The following FSTL4 variants were observed in gnomAD, a reference collection of about 807,000 sequenced individuals.
FSTL4 encodes follistatin-related protein 4.
A neutral mutation model predicts 78.2 loss-of-function variants in FSTL4; 28 were observed. The ratio of observed to expected loss-of-function variants is 0.36; its 90% CI spans 0.27 to 0.49. FSTL4 has a LOEUF of 0.49. Ranked by LOEUF, FSTL4 falls within the 20% of genes least tolerant of loss-of-function variation. The pLI is 0.98. For missense variants in FSTL4, 922 were observed against 1,084.9 expected (o/e 0.85, Z 2.11); for synonymous variants, 422 against 440.5 (o/e 0.96, Z 0.53).
chr5:133,500,228 T>A (rs1452109396), intron 3 of FSTL4, among the ~76,000 whole-genome samples: 1 of 152,154 alleles, frequency 6.6e-6, no homozygotes, highest in East Asian at 1.9e-4. Context: ...TCCTTGAGTG[T>A]CCCTGGAAGA....
At chr5:133,308,174 C>T (rs566093926) in intron 6 of FSTL4, among the ~76,000 whole-genome samples, 1 of 152,198 alleles carries the variant, frequency 6.6e-6, no homozygotes, top group African/African-American at 2.4e-5. Flanking sequence ...TGAATCAGTT[C>T]TTCGGCCACT....
At chr5:133,704,054 T>C in the FSTL4 span, among the ~76,000 whole-genome samples, 654 of 151,446 alleles carry the variant, frequency 4.3e-3, 14 homozygotes, top group African/African-American at 0.015. Context: ...GTCCTAGGGG[T>C]GGGAGGGTGG....
At chr5:133,672,910 G>A in the FSTL4 span, among the ~76,000 whole-genome samples, 2 of 152,176 alleles carry the variant, frequency 1.3e-5, no homozygotes, top group Non-Finnish European at 2.9e-5. Context: ...TGCCCAAGAC[G>A]GTCAGGGCAC....
At chr5:133,468,510 G>A (rs993396462) in intron 3 of FSTL4, among the ~76,000 whole-genome samples, 6 of 152,238 alleles carry the variant, frequency 3.9e-5, no homozygotes, top group African/African-American at 4.8e-5. Context: ...AGGCCGACTC[G>A]AAGTTTCTCT....
chr5:133,503,967 T>C (rs1480346133), intron 3 of FSTL4, among the ~76,000 whole-genome samples: 3 of 152,136 alleles, frequency 2.0e-5, no homozygotes, highest in African/African-American at 4.8e-5. Flanking sequence ...TTCTTCACAA[T>C]GGTGGGAGGA....
At chr5:133,366,961 G>T (rs1159499257) in intron 4 of FSTL4, among the ~76,000 whole-genome samples, 1 of 152,124 alleles carries the variant, frequency 6.6e-6, no homozygotes, top group Non-Finnish European at 1.5e-5. Flanking sequence ...TATTTTAAAT[G>T]AATATTTAAA....
chr5:133,621,587 T>C, the FSTL4 span, among the ~76,000 whole-genome samples: 2 of 151,962 alleles, frequency 1.3e-5, no homozygotes, highest in East Asian at 1.9e-4. Flanking sequence ...ACAATGGACT[T>C]TGGGGACTTG....
At chr5:133,233,270 G>T in intron 8 of FSTL4, 147 bp downstream of exon 8, 1 of 914,926 alleles carries the variant, frequency 1.1e-6, no homozygotes, top group Non-Finnish European at 1.7e-6. Flanking sequence ...CTTTCCACAC[G>T]GTTCCCCTTT....
the FSTL4 span, among the ~76,000 whole-genome samples, chr5:133,632,385 C>T: frequency 6.6e-6 from 1 of 152,144 alleles, no homozygotes; most frequent in African/African-American, 2.4e-5. Context: ...AAATCTGTTG[C>T]ATTTACCCAT....
the FSTL4 span, among the ~76,000 whole-genome samples, chr5:133,827,111 C>T: frequency 6.6e-6 from 1 of 152,238 alleles, no homozygotes; most frequent in Non-Finnish European, 1.5e-5. Context: ...AGGGAAGCAG[C>T]ACTCTGTCAC....
At chr5:133,775,427 C>T in the FSTL4 span, among the ~76,000 whole-genome samples, 1 of 152,164 alleles carries the variant, frequency 6.6e-6, no homozygotes, top group Non-Finnish European at 1.5e-5. Context: ...GCTGTAAACA[C>T]ACTAGAATTC....
chr5:133,832,654 A>G, the FSTL4 span, among the ~76,000 whole-genome samples: 1 of 152,196 alleles, frequency 6.6e-6, no homozygotes, highest in Non-Finnish European at 1.5e-5. Context: ...ACATTTCTCC[A>G]TCTCTTTTGC....
At chr5:133,378,152 C>G (rs888522727) in intron 4 of FSTL4, among the ~76,000 whole-genome samples, 4 of 152,076 alleles carry the variant, frequency 2.6e-5, no homozygotes, top group Admixed American at 6.5e-5. Flanking sequence ...GCTTTTTAGG[C>G]TGAAAGCAAG....
At chr5:133,425,553 G>A (rs192775955) in intron 3 of FSTL4, among the ~76,000 whole-genome samples, 129 of 152,300 alleles carry the variant, frequency 8.5e-4, no homozygotes, top group African/African-American at 3.0e-3. Context: ...CTCTTGTGAG[G>A]AAAGAATTAA....
chr5:133,328,447 A>T (rs1754268015), intron 4 of FSTL4, among the ~76,000 whole-genome samples: 1 of 152,170 alleles, frequency 6.6e-6, no homozygotes, highest in South Asian at 2.1e-4. Context: ...TGGGAGAGGG[A>T]TCCACATATA....
At chr5:133,463,117 C>T (rs935799769) in intron 3 of FSTL4, among the ~76,000 whole-genome samples, 5 of 152,212 alleles carry the variant, frequency 3.3e-5, no homozygotes, top group Non-Finnish European at 4.4e-5. Flanking sequence ...CCCAAGGCCA[C>T]GCCAGCATCC....
At chr5:133,474,218 A>G (rs1009564964) in intron 3 of FSTL4, among the ~76,000 whole-genome samples, 1 of 152,100 alleles carries the variant, frequency 6.6e-6, no homozygotes, top group Non-Finnish European at 1.5e-5. Context: ...GGAATGGGAC[A>G]TTCACACAAT....
Position 133,199,892 on chromosome 5 carries a change from T to C in FSTL4, c.1827-95A>G. On this transcript the variant is annotated intron_variant, in intron 15 of 15. Transcript: ENST00000265342. The surrounding 1 kb of genome is among the most constrained non-coding windows in gnomAD (Gnocchi z 4.4). ...TTACATCCTCTGCCTTTTCCCTTTA[T>C]TATAATCCTTCAGTGATCTAATAGC... is the stretch of plus-strand genomic sequence containing the variant. 1.5e-6 allele frequency: 1 copy of C among 649,920 alleles called. No individual in the cohort carries two copies. Among genetic ancestry groups the C allele is most frequent in the South Asian group, 1.9e-5 (1 of 51,334 alleles). 40.3% of individuals were successfully genotyped at this position (649,920 alleles called of 1,614,324 possible).
chr5:133,240,875 C>T (rs1239212096), intron 7 of FSTL4, among the ~76,000 whole-genome samples: 1 of 152,196 alleles, frequency 6.6e-6, no homozygotes, highest in Admixed American at 6.5e-5. Flanking sequence ...TGGCCTTGCC[C>T]TCTTTGGCTA....
Sources: allele counts gnomAD v4.1 joint callset (sites outside exome capture counted in the v4.1 genomes callset), GRCh38; gene constraint gnomAD v4.1.1; non-coding constraint Gnocchi (gnomAD v3.1); transcripts MANE v1.5; gene names NCBI Gene and HGNC (gene_info 2026-07-23, HGNC 2026-07-21).